NTNG1: variants seen among roughly 807,000 people sequenced by gnomAD.
The protein encoded by NTNG1 is netrin G1, also known as netrin-G1.
Under a neutral mutation model 54.0 loss-of-function variants are expected in NTNG1, and 16 were observed. That is an observed-to-expected ratio of 0.30 (90% confidence interval 0.20 to 0.45). NTNG1 has a LOEUF of 0.45. Ranked by LOEUF, NTNG1 falls within the 20% of genes least tolerant of loss-of-function variation. NTNG1 has a pLI of 1.00. For synonymous variants in NTNG1, 255 were observed against 263.1 expected (o/e 0.97, Z 0.30); for missense variants, 530 against 678.7 (o/e 0.78, Z 2.43).
At chr1:107,229,795 G>A (rs1300793508) in intron 2 of NTNG1, among the ~76,000 whole-genome samples, 1 of 151,740 alleles carries the variant, frequency 6.6e-6, no homozygotes, top group Non-Finnish European at 1.5e-5. Flanking sequence ...ATAGTGCTTA[G>A]TATTTCTGCA....
intron 3 of NTNG1, among the ~76,000 whole-genome samples, chr1:107,353,905 G>C (rs1453063902): frequency 1.3e-5 from 2 of 152,098 alleles, no homozygotes; most frequent in African/African-American, 4.8e-5. Context: ...AGTACCAATG[G>C]GTAGAGAGGT....
intron 2 of NTNG1, among the ~76,000 whole-genome samples, chr1:107,275,546 G>A (rs1460844347): frequency 6.6e-6 from 1 of 152,058 alleles, no homozygotes; most frequent in African/African-American, 2.4e-5. Context: ...AGAACCAGGA[G>A]AGCTGATGGT....
At chr1:107,316,863 T>C (rs982712721) in intron 2 of NTNG1, among the ~76,000 whole-genome samples, 4 of 152,158 alleles carry the variant, frequency 2.6e-5, no homozygotes, top group Non-Finnish European at 2.9e-5. Flanking sequence ...ATCCAATAAA[T>C]AGCTAACGAA....
chr1:107,204,756 G>A (rs1273076618), intron 2 of NTNG1, among the ~76,000 whole-genome samples: 1 of 152,148 alleles, frequency 6.6e-6, no homozygotes, highest in East Asian at 1.9e-4. Context: ...CAGAAATGGG[G>A]TTTTATCTTG....
At chr1:107,456,229 A>G (rs896832092) in intron 7 of NTNG1, among the ~76,000 whole-genome samples, 1 of 152,188 alleles carries the variant, frequency 6.6e-6, no homozygotes, top group Admixed American at 6.5e-5. Context: ...GAGTAGTAAG[A>G]TAATAAAGTG....
At chr1:107,218,905 T>C (rs1186096331) in intron 2 of NTNG1, among the ~76,000 whole-genome samples, 1 of 152,102 alleles carries the variant, frequency 6.6e-6, no homozygotes, top group Non-Finnish European at 1.5e-5. Flanking sequence ...TTGCAATGAA[T>C]TTCCCAGGTG....
In NTNG1 at chr1:107,436,696, T is replaced by C. The variant is rs1329950065; in HGVS notation, c.1287T>C (p.His429=). 6.2e-7 allele frequency: 1 copy of C among 1,613,622 alleles called. No individual in the cohort carries two copies. The highest frequency in any genetic ancestry group is 8.5e-7 in the Non-Finnish European group (1 of 1,179,644). ...ECYCNPLGSI[H]DRCNGSGFCE... is the part of the protein sequence containing the mutation. The stretch of plus-strand genomic sequence containing the variant: ...ATTGTAACCCTTTGGGCTCAATCCA[T>C]GATCGTTGTAATGGCTCAGGATTTT... The change falls in exon 7 of 8, where the codon CAT becomes CAC. Residue 429 remains histidine, a synonymous_variant. Coordinates refer to ENST00000370068, the MANE Select transcript of NTNG1 (RefSeq NM_001113226.3).
intron 7 of NTNG1, among the ~76,000 whole-genome samples, chr1:107,460,953 C>T (rs1435362641): frequency 6.6e-6 from 1 of 152,134 alleles, no homozygotes; most frequent in Non-Finnish European, 1.5e-5. Flanking sequence ...GGGTAAGAGA[C>T]CAATTAAAAT....
At chr1:107,421,873 G>A (rs753901920) in intron 5 of NTNG1, among the ~76,000 whole-genome samples, 8 of 151,958 alleles carry the variant, frequency 5.3e-5, no homozygotes, top group Non-Finnish European at 8.8e-5. Context: ...CATATGTCAC[G>A]TTTTAGTTTT....
intron 3 of NTNG1, among the ~76,000 whole-genome samples, chr1:107,335,533 T>C (rs1403657472): frequency 6.6e-6 from 1 of 151,812 alleles, no homozygotes; most frequent in South Asian, 2.1e-4. Context: ...AGTGGCAAAA[T>C]AGGATTAAAA....
At chr1:107,413,923 A>C (rs1300260608) in intron 5 of NTNG1, among the ~76,000 whole-genome samples, 1 of 152,172 alleles carries the variant, frequency 6.6e-6, no homozygotes, top group East Asian at 1.9e-4. Context: ...GGTAAACAAT[A>C]ATAGAAAAAA....
intron 2 of NTNG1, among the ~76,000 whole-genome samples, chr1:107,280,478 C>T (rs1329530530): frequency 6.6e-6 from 1 of 151,904 alleles, no homozygotes; most frequent in African/African-American, 2.4e-5. Context: ...CTGTTTCCTT[C>T]AAGATCAGTT....
At chr1:107,187,219 A>C (rs1335803814) in intron 2 of NTNG1, among the ~76,000 whole-genome samples, 1 of 152,084 alleles carries the variant, frequency 6.6e-6, no homozygotes, top group Non-Finnish European at 1.5e-5. Flanking sequence ...CTTTACCACT[A>C]GTATTGAAAA....
In NTNG1 at chr1:107,280,853, CTTATTTTATTTTATT is replaced by C. The variant is rs71275980; in HGVS notation, c.247-43392_247-43378del. Among the ~76,000 whole-genome samples the C allele has an allele frequency of 7.1e-3, 1,029 of 145,222 alleles. 29 individuals are homozygous for C. The East Asian group carries it at 0.11, about 15-fold the overall frequency. ...ATTTATTTCACAAACAGTCCTCTGA[CTTATTTTATTTTATT>C]TTATTTTATTTTATTTTATTTTATT... On this transcript the variant is annotated intron_variant, in intron 2 of 7. Transcript: ENST00000370068.
chr1:107,455,355 C>G (rs968684310), intron 7 of NTNG1, among the ~76,000 whole-genome samples: 1 of 152,216 alleles, frequency 6.6e-6, no homozygotes, highest in South Asian at 2.1e-4. Flanking sequence ...TGAGCCACCA[C>G]GCCCAGCCCA....
intron 6 of NTNG1, among the ~76,000 whole-genome samples, chr1:107,433,277 C>T (rs1557996060): frequency 2.0e-5 from 3 of 152,186 alleles, no homozygotes; most frequent in Non-Finnish European, 4.4e-5. Flanking sequence ...GGTGCAATGG[C>T]TAATGCCTGT....
chr1:107,276,923 G>C (rs1664516405), intron 2 of NTNG1, among the ~76,000 whole-genome samples: 1 of 151,690 alleles, frequency 6.6e-6, no homozygotes, highest in African/African-American at 2.4e-5. Context: ...AACAGCTACT[G>C]TAACAGGATT....
At chr1:107,268,619 T>G (rs1663919851) in intron 2 of NTNG1, among the ~76,000 whole-genome samples, 1 of 152,166 alleles carries the variant, frequency 6.6e-6, no homozygotes. Context: ...GAACTATATG[T>G]TGATAAGCCC....
chr1:107,310,719 A>G (rs1666958772), intron 2 of NTNG1, among the ~76,000 whole-genome samples: 1 of 152,062 alleles, frequency 6.6e-6, no homozygotes, highest in Non-Finnish European at 1.5e-5. Flanking sequence ...CTTGGGGGGG[A>G]AAGAACAATG....
Sources: gnomAD v4.1 joint callset for allele counts (sites outside exome capture counted in the v4.1 genomes callset) on GRCh38, gnomAD v4.1.1 for gene constraint, MANE v1.5 for transcripts, NCBI Gene and HGNC (gene_info 2026-07-23, HGNC 2026-07-21) for gene names.